Variants in COPZ1 observed in about 807,000 individuals in gnomAD.
The protein encoded by COPZ1 is coatomer subunit zeta-1.
COPZ1 carries 4 observed loss-of-function variants against 31.7 expected under a neutral mutation model. The ratio of observed to expected loss-of-function variants is 0.13; its 90% confidence interval spans 0.06 to 0.29. COPZ1 has a LOEUF of 0.29. Among genes scored for constraint, COPZ1 ranks in the 10% least tolerant of loss-of-function variants. The pLI is 1.00. For synonymous variants in COPZ1, 74 were observed against 79.0 expected (o/e 0.94, Z 0.33); for missense variants, 156 against 211.5 (o/e 0.74, Z 1.63).
intron 1 of COPZ1, among the ~76,000 whole-genome samples, chr12:54,333,445 C>T (rs986233034): frequency 6.6e-6 from 1 of 152,186 alleles, no homozygotes; most frequent in African/African-American, 2.4e-5. Context: ...TCAAAAAAGG[C>T]ATTAACCTTA....
At chr12:54,326,961 CTTTTTTTTTTTT>C (rs60827109) in intron 1 of COPZ1, among the ~76,000 whole-genome samples, 567 of 43,388 alleles carry the variant, frequency 0.013, 2 homozygotes, top group South Asian at 0.045. Flanking sequence ...AACAAGTATT[CTTTTTTTTTTTT>C]TTTTTTTTTT....
intron 8 of COPZ1, chr12:54,349,991 T>A (rs1342806036): frequency 1.7e-6 from 1 of 590,302 alleles, no homozygotes; most frequent in Non-Finnish European, 3.0e-6. Context: ...GCACACACAC[T>A]CTCTTTCTCT....
At chr12:54,329,827 G>A (rs1953719638) in intron 1 of COPZ1, among the ~76,000 whole-genome samples, 1 of 152,180 alleles carries the variant, frequency 6.6e-6, no homozygotes, top group South Asian at 2.1e-4. Flanking sequence ...TATGGAGGAG[G>A]AAACTATGCA....
chr12:54,329,499 G>C (rs1435295627), intron 1 of COPZ1, among the ~76,000 whole-genome samples: 2 of 152,046 alleles, frequency 1.3e-5, no homozygotes, highest in Non-Finnish European at 2.9e-5. Context: ...CAGGAGAATC[G>C]CTTGAACCTG....
chr12:54,337,402 A>G (rs576254542), intron 1 of COPZ1: 1 of 461,844 alleles, frequency 2.2e-6, no homozygotes, highest in Non-Finnish European at 4.4e-6. Flanking sequence ...CTTTCTCAAC[A>G]GTCAGCATTT....
At chr12:54,345,411 C>G in intron 4 of COPZ1, 49 bp from the exon 5 acceptor site, 1 of 1,453,484 alleles carries the variant, frequency 6.9e-7, no homozygotes. Flanking sequence ...TAGGTAGCAG[C>G]TTTCAGGGCC....
At position 54,350,544 on chromosome 12, in the gene COPZ1, C is replaced by T. The variant is rs768193467; in HGVS notation, c.*21C>T. The T allele has an allele frequency of 2.5e-6, 4 of 1,606,696 alleles. No homozygotes were observed. Among genetic ancestry groups the T allele is most frequent in the East Asian group, 2.2e-5 (1 of 44,850 alleles). On this transcript the variant is annotated 3_prime_UTR_variant, in exon 9 of 9. Transcript: ENST00000262061. ...GGTGAAGACCTCACTGTTCCTGGCTCTTCATCCTCTTCAAAAAATTTGCAT... is the reference window on the plus strand; with the variant it reads ...GGTGAAGACCTCACTGTTCCTGGCTTTTCATCCTCTTCAAAAAATTTGCAT...
chr12:54,336,468 C>T (rs560800443), intron 1 of COPZ1, among the ~76,000 whole-genome samples: 1 of 151,362 alleles, frequency 6.6e-6, no homozygotes, highest in East Asian at 2.0e-4. Flanking sequence ...AACCAGGAGG[C>T]GGAGCTTGCA....
At chr12:54,336,339 T>G (rs1019396466) in intron 1 of COPZ1, among the ~76,000 whole-genome samples, 3 of 151,774 alleles carry the variant, frequency 2.0e-5, no homozygotes, top group Non-Finnish European at 2.9e-5. Flanking sequence ...GGTCAGGAGA[T>G]TGAGACCATC....
intron 1 of COPZ1, among the ~76,000 whole-genome samples, chr12:54,334,277 C>T (rs183595663): frequency 1.3e-5 from 2 of 151,246 alleles, no homozygotes; most frequent in East Asian, 3.9e-4. Flanking sequence ...AAAAATAAGC[C>T]GGGCGTGGTG....
intron 1 of COPZ1, among the ~76,000 whole-genome samples, chr12:54,332,957 C>T (rs1453383924): frequency 2.0e-5 from 3 of 152,050 alleles, no homozygotes; most frequent in African/African-American, 4.8e-5. Context: ...CCCTCCACAC[C>T]ATCTTATTAT....
chr12:54,349,741 T>C, intron 8 of COPZ1, 83 bp downstream of exon 8: 1 of 1,101,912 alleles, frequency 9.1e-7, no homozygotes, highest in Non-Finnish European at 1.4e-6. Flanking sequence ...CTCTCAAATC[T>C]GAGTGAAACT....
intron 1 of COPZ1, among the ~76,000 whole-genome samples, chr12:54,331,748 A>G (rs1480555865): frequency 2.0e-5 from 3 of 152,240 alleles, no homozygotes; most frequent in East Asian, 1.9e-4. Flanking sequence ...AAAGGGATAA[A>G]TCATGATACA....
At chr12:54,325,943 C>G (rs1164534090) in intron 1 of COPZ1, among the ~76,000 whole-genome samples, 2 of 150,110 alleles carry the variant, frequency 1.3e-5, no homozygotes, top group African/African-American at 2.4e-5. Flanking sequence ...CTCAGCCTCC[C>G]GCGTAGTTGG....
chr12:54,340,024 C>T (rs149236967), intron 1 of COPZ1, among the ~76,000 whole-genome samples: 15 of 144,688 alleles, frequency 1.0e-4, no homozygotes, highest in South Asian at 6.5e-4. Flanking sequence ...TGTGTGTAAA[C>T]GCTCTTTTCC....
In COPZ1 at chr12:54,350,830, C is replaced by T. The variant is rs1255683871; in HGVS notation, c.*307C>T. 1 of 426,878 alleles carries T rather than the reference C, an allele frequency of 2.3e-6. No homozygotes were observed. The highest frequency in any genetic ancestry group is 2.0e-5 in the African/African-American group (1 of 50,926). 26.4% of individuals were successfully genotyped at this position (426,878 alleles called of 1,614,324 possible). A position where few individuals can be genotyped will look rare whatever the true frequency, so the allele number is the denominator to read the frequency against. On this transcript the variant is annotated 3_prime_UTR_variant, in exon 9 of 9. Coordinates refer to ENST00000262061, the MANE Select transcript of COPZ1 (RefSeq NM_016057.3). Reference sequence around the variant, plus strand: ...CCTTGCCCTGACATTTTTGTAAATTCTGTGCCCTTTGCTGTAGCTACACTT... The same window carrying T: ...CCTTGCCCTGACATTTTTGTAAATTTTGTGCCCTTTGCTGTAGCTACACTT...
chr12:54,333,255 AG>A (rs1392700131), intron 1 of COPZ1, among the ~76,000 whole-genome samples: 3 of 152,122 alleles, frequency 2.0e-5, no homozygotes, highest in Non-Finnish European at 2.9e-5. Flanking sequence ...CATGTTGCCC[AG>A]GCTGGCCTCA....
chr12:54,343,150 CCTGG>C (rs1413814437), intron 3 of COPZ1, 71 bp from the exon 4 acceptor site: 9 of 1,181,216 alleles, frequency 7.6e-6, no homozygotes, highest in Non-Finnish European at 1.0e-5. Flanking sequence ...AGCCACTGCG[CCTGG>C]CTGGTAACTC....
intron 4 of COPZ1, 81 bp from the exon 5 acceptor site, chr12:54,345,379 A>G: frequency 1.0e-6 from 1 of 1,000,570 alleles, no homozygotes; most frequent in Non-Finnish European, 1.6e-6. Flanking sequence ...TTGATGTTTA[A>G]TGAATTAGGA....
Sources: gnomAD v4.1 joint callset for allele counts (sites outside exome capture counted in the v4.1 genomes callset) on GRCh38, gnomAD v4.1.1 for gene constraint, MANE v1.5 for transcripts, NCBI Gene and HGNC (gene_info 2026-07-23, HGNC 2026-07-21) for gene names.